ZNF695: variants seen among roughly 807,000 people sequenced by gnomAD.
The protein encoded by ZNF695 is zinc finger protein SBZF3.
Under a neutral mutation model 11.2 loss-of-function variants are expected in ZNF695, and 11 were observed. That is an observed-to-expected ratio of 0.98 (90% CI 0.62 to 1.62). The LOEUF (loss-of-function observed/expected upper bound fraction) is 1.62. Among genes scored for constraint, ZNF695 ranks in the 40% most tolerant of loss-of-function variants. The pLI is 0.00. For missense variants in ZNF695, 559 were observed against 590.5 expected (o/e 0.95, Z 0.55); for synonymous variants, 190 against 201.4 (o/e 0.94, Z 0.48).
intron 5 of ZNF695, among the ~76,000 whole-genome samples, chr1:246,961,939 T>C (rs761031972): frequency 7.9e-5 from 12 of 152,210 alleles, no homozygotes; most frequent in Non-Finnish European, 1.8e-4. Flanking sequence ...GGCACCTCAA[T>C]GGCACTGTGC....
intron 1 of ZNF695, among the ~76,000 whole-genome samples, chr1:247,007,399 G>T (rs537715980): frequency 6.6e-6 from 1 of 151,404 alleles, no homozygotes; most frequent in East Asian, 2.0e-4. Flanking sequence ...GGGAGGCTGA[G>T]GCAGGAGAAT....
intron 3 of ZNF695, among the ~76,000 whole-genome samples, chr1:246,992,684 C>T (rs1245164178): frequency 6.6e-6 from 1 of 152,134 alleles, no homozygotes; most frequent in South Asian, 2.1e-4. Flanking sequence ...TATGCACCCA[C>T]AAATTTTTTT....
intron 5 of ZNF695, among the ~76,000 whole-genome samples, chr1:246,950,942 C>CCTCCAAA (rs1558301463): frequency 6.6e-6 from 1 of 152,130 alleles, no homozygotes; most frequent in Non-Finnish European, 1.5e-5. Flanking sequence ...CAGGTATACC[C>CCTCCAAA]TGTTCCTCCA....
intron 1 of ZNF695, among the ~76,000 whole-genome samples, chr1:247,006,966 AC>A (rs1208336080): frequency 5.9e-5 from 9 of 152,228 alleles, no homozygotes; most frequent in Non-Finnish European, 1.2e-4. Context: ...GGCTTAACCA[AC>A]CACTAAATGC....
intron 1 of ZNF695, among the ~76,000 whole-genome samples, chr1:247,003,457 G>C (rs1435943883): frequency 6.6e-6 from 1 of 152,196 alleles, no homozygotes. Context: ...TAGAGTAGAA[G>C]GAAGGCAAGA....
At chr1:246,957,991 T>C (rs928755226) in intron 5 of ZNF695, among the ~76,000 whole-genome samples, 4 of 152,076 alleles carry the variant, frequency 2.6e-5, no homozygotes, top group African/African-American at 4.8e-5. Flanking sequence ...CACAGAGACG[T>C]TGGATCTATG....
chr1:246,993,394 G>A (rs552158149), intron 3 of ZNF695, among the ~76,000 whole-genome samples: 7 of 152,034 alleles, frequency 4.6e-5, no homozygotes, highest in African/African-American at 1.7e-4. Context: ...GAGACAGAGT[G>A]AGAGACTCTG....
chr1:247,006,364 GCA>G (rs1293393292), intron 1 of ZNF695, among the ~76,000 whole-genome samples: 1 of 152,152 alleles, frequency 6.6e-6, no homozygotes, highest in African/African-American at 2.4e-5. Flanking sequence ...TGTAATCCCA[GCA>G]CTTTGGGAGG....
intron 3 of ZNF695, among the ~76,000 whole-genome samples, chr1:246,998,017 C>T (rs941367849): frequency 2.6e-5 from 4 of 152,230 alleles, no homozygotes; most frequent in African/African-American, 4.8e-5. Context: ...TTAAAATTTG[C>T]GTTAACACAG....
chr1:246,986,761 T>A lies in ZNF695; in HGVS notation c.*206A>T. On this transcript the variant is annotated 3_prime_UTR_variant, in exon 4 of 4. Transcript: ENST00000339986. ...AAATTCTTCTGTGTACAGTAAGAGC[T>A]GTGATATAAGTGGAGGTGTTGAACC... 1 of 1,306,974 alleles carries A rather than the reference T, an allele frequency of 7.7e-7. No homozygotes were observed. 81.0% of individuals were successfully genotyped at this position (1,306,974 alleles called of 1,614,324 possible).
chr1:246,983,575 T>C (rs1572522703), downstream of ZNF695, among the ~76,000 whole-genome samples: 2 of 152,048 alleles, frequency 1.3e-5, no homozygotes, highest in Non-Finnish European at 2.9e-5. Flanking sequence ...TCCCAGCACT[T>C]TGAGAGGCTG....
intron 3 of ZNF695, among the ~76,000 whole-genome samples, chr1:246,992,492 C>A (rs985612307): frequency 8.5e-5 from 13 of 152,084 alleles, no homozygotes; most frequent in Non-Finnish European, 1.8e-4. Context: ...TATTGAATAG[C>A]ACAACAGGGT....
intron 3 of ZNF695, among the ~76,000 whole-genome samples, chr1:246,997,032 G>A (rs1669232967): frequency 6.6e-6 from 1 of 152,146 alleles, no homozygotes; most frequent in Admixed American, 6.5e-5. Flanking sequence ...GTCTTGAAGT[G>A]TACAGAACTG....
At chr1:247,006,928 T>A (rs1045085796) in intron 1 of ZNF695, among the ~76,000 whole-genome samples, 1 of 152,194 alleles carries the variant, frequency 6.6e-6, no homozygotes. Flanking sequence ...TTCTTGTAAA[T>A]TGCAAACTTG....
At chr1:247,003,730 T>C (rs1351724839) in intron 1 of ZNF695, among the ~76,000 whole-genome samples, 1 of 152,230 alleles carries the variant, frequency 6.6e-6, no homozygotes, top group Non-Finnish European at 1.5e-5. Flanking sequence ...CCAAATAAGA[T>C]GTAATGCTAA....
At chr1:247,006,069 C>G (rs1435873526) in intron 1 of ZNF695, among the ~76,000 whole-genome samples, 15 of 150,636 alleles carry the variant, frequency 1.0e-4, no homozygotes, top group Non-Finnish European at 1.5e-5. Context: ...ACAAAAAATA[C>G]CAAAAATTAG....
chr1:247,002,714 C>T (rs534612454), intron 1 of ZNF695, among the ~76,000 whole-genome samples: 3 of 150,992 alleles, frequency 2.0e-5, no homozygotes, highest in South Asian at 2.1e-4. Flanking sequence ...ACCCAGGGGG[C>T]AGAGGTTGCG....
chr1:246,972,801 A>G (rs1266592693), intron 4 of ZNF695, among the ~76,000 whole-genome samples: 2 of 152,004 alleles, frequency 1.3e-5, no homozygotes, highest in Non-Finnish European at 2.9e-5. Context: ...TGCAGGCGTG[A>G]GCCACTGAGC....
In ZNF695 at chr1:246,985,668, G is replaced by A; in HGVS notation, c.*1299C>T. On this transcript the variant is annotated 3_prime_UTR_variant, in exon 4 of 4. Transcript: ENST00000339986. Reference sequence around the variant, plus strand: ...TAAAAAGAGCATTTCAAAATCCACTGAATTTTATTACCTTAATGTGCAATA... The same window carrying A: ...TAAAAAGAGCATTTCAAAATCCACTAAATTTTATTACCTTAATGTGCAATA... 1 of 985,324 alleles carries A rather than the reference G, an allele frequency of 1.0e-6. No individual in the cohort carries two copies. The highest frequency in any genetic ancestry group is 1.2e-6 in the Non-Finnish European group (1 of 829,882). 61.0% of individuals were successfully genotyped at this position (985,324 alleles called of 1,614,324 possible).
Sources: gnomAD v4.1 joint callset for allele counts (sites outside exome capture counted in the v4.1 genomes callset) on GRCh38, gnomAD v4.1.1 for gene constraint, MANE v1.5 for transcripts, NCBI Gene and HGNC (gene_info 2026-07-23, HGNC 2026-07-21) for gene names.